The following CCDC7 variants were observed in gnomAD, a reference collection of about 807,000 sequenced individuals.
CCDC7 encodes coiled-coil domain containing 7.
In CCDC7, 183 loss-of-function variants were observed where a neutral mutation model predicts 196.9. The ratio of observed to expected loss-of-function variants is 0.93; its 90% CI spans 0.82 to 1.05. The LOEUF (loss-of-function observed/expected upper bound fraction) is 1.05. CCDC7 is among the 50% of genes least tolerant of loss of function. The probability of loss-of-function intolerance (pLI) is 0.00; values close to 1 mark genes in which losing one functional copy is unlikely to be tolerated. For synonymous variants in CCDC7, 525 were observed against 484.6 expected (o/e 1.08, Z -1.10); for missense variants, 1,540 against 1,482.2 (o/e 1.04, Z -0.64).
intron 23 of CCDC7, among the ~76,000 whole-genome samples, chr10:32,690,048 A>G (rs540884620): frequency 3.3e-5 from 5 of 152,142 alleles, no homozygotes; most frequent in Non-Finnish European, 5.9e-5. Context: ...GCTTATTTTT[A>G]TTTGTTAGAC....
At chr10:32,671,716 T>C (rs979472491) in intron 21 of CCDC7, among the ~76,000 whole-genome samples, 1 of 152,158 alleles carries the variant, frequency 6.6e-6, no homozygotes, top group African/African-American at 2.4e-5. Context: ...TAGCCTCTTC[T>C]GACTAGTTTA....
intron 21 of CCDC7, among the ~76,000 whole-genome samples, chr10:32,669,820 G>A (rs527253098): frequency 6.6e-6 from 1 of 151,934 alleles, no homozygotes; most frequent in African/African-American, 2.4e-5. Flanking sequence ...TGTTGTTGTT[G>A]TCCATAATTC....
chr10:32,769,777 C>T (rs766689055), intron 28 of CCDC7, among the ~76,000 whole-genome samples: 3 of 152,082 alleles, frequency 2.0e-5, no homozygotes, highest in Non-Finnish European at 4.4e-5. Flanking sequence ...TGGTGGTTTC[C>T]AGCTTTATCC....
intron 30 of CCDC7, among the ~76,000 whole-genome samples, chr10:32,808,106 C>T (rs2086249673): frequency 1.3e-5 from 2 of 152,144 alleles, no homozygotes; most frequent in South Asian, 4.1e-4. Context: ...CTGACAACTG[C>T]CATTGCTGTT....
intron 32 of CCDC7, among the ~76,000 whole-genome samples, chr10:32,828,696 C>T (rs899017232): frequency 6.6e-6 from 1 of 152,106 alleles, no homozygotes; most frequent in South Asian, 2.1e-4. Flanking sequence ...CAATACTTTG[C>T]AGGGCTGGGA....
chr10:32,472,091 TG>T (rs1320466912), intron 6 of CCDC7, among the ~76,000 whole-genome samples: 10 of 152,198 alleles, frequency 6.6e-5, no homozygotes, highest in Non-Finnish European at 1.3e-4. Context: ...AATTAGTAAA[TG>T]GATGAAACAG....
intron 18 of CCDC7, among the ~76,000 whole-genome samples, chr10:32,633,948 A>G (rs1032597936): frequency 6.6e-6 from 1 of 151,618 alleles, no homozygotes; most frequent in Non-Finnish European, 1.5e-5. Context: ...TGTCTATTTC[A>G]ATATTTTTCT....
chr10:32,794,537 C>T (rs1161319191), intron 29 of CCDC7, among the ~76,000 whole-genome samples: 1 of 152,188 alleles, frequency 6.6e-6, no homozygotes, highest in East Asian at 1.9e-4. Flanking sequence ...TACATTCCCA[C>T]CAGCATTATT....
chr10:32,747,316 T>C (rs746498229), intron 28 of CCDC7, among the ~76,000 whole-genome samples: 155 of 152,142 alleles, frequency 1.0e-3, no homozygotes, highest in Non-Finnish European at 1.5e-3. Context: ...GGCAAAGATT[T>C]CATAACAAAG....
At chr10:32,621,607 G>A (rs2063420954) in intron 18 of CCDC7, among the ~76,000 whole-genome samples, 1 of 152,134 alleles carries the variant, frequency 6.6e-6, no homozygotes, top group African/African-American at 2.4e-5. Flanking sequence ...GAATCTGAAG[G>A]CCTGAGAACC....
chr10:32,531,452 T>C (rs76410986), intron 11 of CCDC7, among the ~76,000 whole-genome samples: 6,617 of 152,240 alleles, frequency 0.043, 485 homozygotes, highest in African/African-American at 0.15. Context: ...TGTTGTTGAA[T>C]GTGGTTTGTA....
chr10:32,657,920 A>G lies in CCDC7; in HGVS notation c.2015-6134A>G, dbSNP rs1416300652. Among the ~76,000 whole-genome samples the G allele has an allele frequency of 2.6e-5, 4 of 152,208 alleles. No homozygotes were observed. The East Asian group carries it at 7.7e-4, about 29-fold the overall frequency. On this transcript the variant is annotated intron_variant, in intron 20 of 41. Transcript: ENST00000639629. ...TCATCTCTCTCAAGTTCAAAATTCC[A>G]CAGATCTGTAGGGCAGGGGCAAAAT...
intron 28 of CCDC7, among the ~76,000 whole-genome samples, chr10:32,751,581 CATAG>C (rs1394784487): frequency 6.6e-6 from 1 of 152,074 alleles, no homozygotes; most frequent in East Asian, 1.9e-4. Context: ...TAGGCTATGG[CATAG>C]ATAGGGCCAT....
chr10:32,708,152 C>G (rs2080132328), intron 24 of CCDC7, among the ~76,000 whole-genome samples: 2 of 150,424 alleles, frequency 1.3e-5, no homozygotes, highest in South Asian at 4.3e-4. Flanking sequence ...GAATAGAGCC[C>G]TCAGAAATAA....
At position 32,840,668 on chromosome 10, in the gene CCDC7, C is replaced by T. The variant is rs1237339759; in HGVS notation, c.3353-4575C>T. 2.6e-5 allele frequency among the ~76,000 whole-genome samples: 4 copies of T among 151,486 alleles called. No individual in the cohort carries two copies. The East Asian group carries it at 7.7e-4, about 29-fold the overall frequency. On this transcript the variant is annotated intron_variant, in intron 33 of 41. Coordinates refer to ENST00000639629, the Ensembl canonical transcript of CCDC7. ...AATCATTCTATGAAGCCAGTATCAC[C>T]CTAATACCAAAACCAGGGAAGGACA...
At chr10:32,681,511 T>C (rs1001048554) in intron 21 of CCDC7, among the ~76,000 whole-genome samples, 2 of 152,048 alleles carry the variant, frequency 1.3e-5, no homozygotes, top group Non-Finnish European at 2.9e-5. Context: ...AGACTAAAAA[T>C]GTTATATGCC....
chr10:32,859,429 G>A (rs993412085), intron 41 of CCDC7, among the ~76,000 whole-genome samples: 3 of 152,102 alleles, frequency 2.0e-5, no homozygotes, highest in Non-Finnish European at 4.4e-5. Context: ...GTGTGTAGAA[G>A]GAAATTTATA....
intron 18 of CCDC7, among the ~76,000 whole-genome samples, chr10:32,619,943 GAC>G (rs2063217592): frequency 3.0e-5 from 2 of 67,294 alleles, no homozygotes; most frequent in Non-Finnish European, 4.7e-5. Context: ...TTTTTTTTGA[GAC>G]AGAGTCTTGC....
chr10:32,526,325 G>C (rs2135737336), intron 11 of CCDC7, among the ~76,000 whole-genome samples: 1 of 152,274 alleles, frequency 6.6e-6, no homozygotes, highest in East Asian at 1.9e-4. Context: ...GTTCCCCTCT[G>C]GCCCAGGTAA....
Sources: allele counts gnomAD v4.1 joint callset (sites outside exome capture counted in the v4.1 genomes callset), GRCh38; gene constraint gnomAD v4.1.1; transcripts MANE v1.5; gene names NCBI Gene and HGNC (gene_info 2026-07-23, HGNC 2026-07-21).